The following BMP6 variants were observed in gnomAD, a reference collection of about 807,000 sequenced individuals.
The protein encoded by BMP6 is VG-1-R.
BMP6 carries 17 observed loss-of-function variants against 54.1 expected under a neutral mutation model. That is an observed-to-expected ratio of 0.31 (90% CI 0.22 to 0.47). The LOEUF is 0.47. Among genes scored for constraint, BMP6 ranks in the 20% least tolerant of loss-of-function variants. The probability of loss-of-function intolerance (pLI) is 1.00; values close to 1 mark genes in which losing one functional copy is unlikely to be tolerated. For missense variants in BMP6, 720 were observed against 690.4 expected (o/e 1.04, Z -0.48); for synonymous variants, 328 against 291.2 (o/e 1.13, Z -1.28).
chr6:7,822,897 TTGTGTGTGTG>T (rs56161444), intron 1 of BMP6, among the ~76,000 whole-genome samples: 1,266 of 121,324 alleles, frequency 0.01, 14 homozygotes, highest in African/African-American at 0.032. Flanking sequence ...TTGGTGCTGG[TTGTGTGTGTG>T]TGTGTGTGTG....
intron 1 of BMP6, among the ~76,000 whole-genome samples, chr6:7,742,627 C>G (rs537430365): frequency 1.3e-5 from 2 of 152,122 alleles, no homozygotes; most frequent in African/African-American, 2.4e-5. Context: ...TCTCTTGGTT[C>G]GTTGCCCGAA....
intron 1 of BMP6, among the ~76,000 whole-genome samples, chr6:7,773,209 C>T (rs139706568): frequency 1.3e-5 from 2 of 152,284 alleles, no homozygotes; most frequent in African/African-American, 4.8e-5. Context: ...CACCTAACAC[C>T]CCAGTGTGAC....
At chr6:7,848,868 A>G (rs75347817) in intron 2 of BMP6, among the ~76,000 whole-genome samples, 2,775 of 152,314 alleles carry the variant, frequency 0.018, 86 homozygotes, top group African/African-American at 0.063. Context: ...ATGCAGGTAA[A>G]AAAAATTGCA....
chr6:7,796,095 A>T (rs1342607733), intron 1 of BMP6, among the ~76,000 whole-genome samples: 1 of 152,310 alleles, frequency 6.6e-6, no homozygotes, highest in Middle Eastern at 3.4e-3. Context: ...TTGCCCAGGG[A>T]GAGCACCCAG....
intron 1 of BMP6, among the ~76,000 whole-genome samples, chr6:7,834,502 CAAAA>C (rs1561786544): frequency 6.6e-6 from 1 of 150,434 alleles, no homozygotes; most frequent in African/African-American, 2.4e-5. Flanking sequence ...ACAAACCAAA[CAAAA>C]AGGGAGCAAT....
intron 1 of BMP6, among the ~76,000 whole-genome samples, chr6:7,729,415 A>G (rs1761811847): frequency 6.9e-6 from 1 of 145,252 alleles, no homozygotes; most frequent in African/African-American, 2.6e-5. Context: ...AAAGGGGAGG[A>G]AGACTGGCGC....
chr6:7,733,340 GAAGAA>G (rs1561753434), intron 1 of BMP6, among the ~76,000 whole-genome samples: 1 of 152,170 alleles, frequency 6.6e-6, no homozygotes, highest in African/African-American at 2.4e-5. Flanking sequence ...CCAGTAGTGG[GAAGAA>G]AAGTAGACAA....
chr6:7,831,552 C>T (rs1486081289), intron 1 of BMP6, among the ~76,000 whole-genome samples: 2 of 152,214 alleles, frequency 1.3e-5, no homozygotes, highest in Admixed American at 1.3e-4. Flanking sequence ...TCTGGCCTGA[C>T]TTTCCTATGC....
intron 1 of BMP6, among the ~76,000 whole-genome samples, chr6:7,820,881 C>T (rs545391430): frequency 8.5e-5 from 13 of 152,286 alleles, no homozygotes; most frequent in South Asian, 2.1e-4. Flanking sequence ...AGAAGGAGCA[C>T]GCGATCTAGA....
intron 1 of BMP6, among the ~76,000 whole-genome samples, chr6:7,811,950 C>T (rs1447616404): frequency 6.6e-6 from 1 of 152,178 alleles, no homozygotes; most frequent in Non-Finnish European, 1.5e-5. Context: ...AATTACTGTT[C>T]TGCAAATAGT....
intron 1 of BMP6, among the ~76,000 whole-genome samples, chr6:7,741,997 A>G (rs561227696): frequency 3.3e-4 from 51 of 152,266 alleles, no homozygotes; most frequent in Non-Finnish European, 5.3e-4. Flanking sequence ...AATAAATGTC[A>G]GTTTCTCAAA....
intron 1 of BMP6, among the ~76,000 whole-genome samples, chr6:7,791,773 G>A (rs968207647): frequency 2.6e-5 from 4 of 152,108 alleles, no homozygotes; most frequent in Non-Finnish European, 5.9e-5. Flanking sequence ...AGCAAAAAGG[G>A]CTTTATCTTA....
intron 2 of BMP6, among the ~76,000 whole-genome samples, chr6:7,852,544 T>A (rs1382097414): frequency 1.3e-5 from 2 of 152,252 alleles, no homozygotes; most frequent in Admixed American, 1.3e-4. Context: ...ACCACTGCGC[T>A]CTATGCTGGG....
intron 1 of BMP6, among the ~76,000 whole-genome samples, chr6:7,736,464 C>T (rs1027433474): frequency 1.3e-5 from 2 of 152,176 alleles, no homozygotes; most frequent in South Asian, 2.1e-4. Flanking sequence ...GACAAAATAT[C>T]GTACTGGCCC....
chr6:7,862,850 G>C (rs903970479), intron 4 of BMP6, among the ~76,000 whole-genome samples: 1 of 152,152 alleles, frequency 6.6e-6, no homozygotes, highest in African/African-American at 2.4e-5. Flanking sequence ...ATGCTGGGGG[G>C]TTATGATGTG....
chr6:7,762,978 C>T (rs764708454), intron 1 of BMP6, among the ~76,000 whole-genome samples: 4 of 152,228 alleles, frequency 2.6e-5, no homozygotes, highest in African/African-American at 4.8e-5. Context: ...GATGTAGCCA[C>T]AGCCCATAAA....
chr6:7,826,895 C>A (rs1268727923), intron 1 of BMP6, among the ~76,000 whole-genome samples: 1 of 152,172 alleles, frequency 6.6e-6, no homozygotes, highest in Non-Finnish European at 1.5e-5. Flanking sequence ...TCTTTGGCAT[C>A]TCCAGACAGA....
At chr6:7,783,911 C>T (rs1346263779) in intron 1 of BMP6, among the ~76,000 whole-genome samples, 1 of 152,218 alleles carries the variant, frequency 6.6e-6, no homozygotes, top group African/African-American at 2.4e-5. Context: ...CTGTTGCCCT[C>T]CAAATGCCAC....
intron 1 of BMP6, among the ~76,000 whole-genome samples, chr6:7,736,644 TG>T (rs1394279221): frequency 2.0e-5 from 3 of 152,216 alleles, no homozygotes; most frequent in African/African-American, 7.2e-5. Flanking sequence ...CACAGGTTAA[TG>T]GTAAATAAAT....
Sources: allele counts gnomAD v4.1 joint callset (sites outside exome capture counted in the v4.1 genomes callset), GRCh38; gene constraint gnomAD v4.1.1; transcripts MANE v1.5; gene names NCBI Gene and HGNC (gene_info 2026-07-23, HGNC 2026-07-21).